The following KDM4B variants were observed in gnomAD, a reference collection of about 807,000 sequenced individuals.
KDM4B encodes lysine demethylase 4B.
KDM4B carries 32 observed loss-of-function variants against 125.2 expected under a neutral mutation model. The ratio of observed to expected loss-of-function variants is 0.26; its 90% CI spans 0.19 to 0.34. The LOEUF (loss-of-function observed/expected upper bound fraction) is 0.34. Among genes scored for constraint, KDM4B ranks in the 10% least tolerant of loss-of-function variants. The pLI, the probability that KDM4B is intolerant of heterozygous loss-of-function variation, is 1.00. For synonymous variants in KDM4B, 721 were observed against 677.9 expected (o/e 1.06, Z -0.99); for missense variants, 1,190 against 1,577.7 (o/e 0.75, Z 4.16).
intron 5 of KDM4B, among the ~76,000 whole-genome samples, chr19:5,044,949 A>G (rs751799218): frequency 2.0e-5 from 3 of 152,174 alleles, no homozygotes; most frequent in Non-Finnish European, 4.4e-5. Context: ...TCAGCGCTGA[A>G]TAATACTCCA....
At position 5,077,476 on chromosome 19, in the gene KDM4B, TACGGGTGGGGCCTGC is replaced by T. The variant is rs761990958; in HGVS notation, c.780+10_780+24del. 1.2e-6 allele frequency: 2 copies of T among 1,612,192 alleles called. No individual in the cohort carries two copies. Among genetic ancestry groups the T allele is most frequent in the Non-Finnish European group, 1.7e-6 (2 of 1,179,058 alleles). On this transcript the variant is annotated splice_region_variant and intron_variant, in intron 8 of 22. Transcript: ENST00000159111. ...ACGGGATCCCCTTCAGCCGGGTGCG[TACGGGTGGGGCCTGC>T]ACGCCTGTGGGTGAAGTGGGTACCG...
chr19:5,035,851 G>A lies in KDM4B; in HGVS notation c.141+2820G>A, dbSNP rs2145635698. 7.0e-6 allele frequency among the ~76,000 whole-genome samples: 1 copy of A among 142,790 alleles called. No homozygotes were observed. Among genetic ancestry groups the A allele is most frequent in the East Asian group, 2.0e-4 (1 of 4,960 alleles). 93.7% of individuals were successfully genotyped at this position (142,790 alleles called of 152,430 possible). A position where few individuals can be genotyped will look rare whatever the true frequency, so the allele number is the denominator to read the frequency against. ...GTCCCATGCTGTGGAGGGGCTGTGT[G>A]TGCACGTGTCTCTGTGTGTGTGTGT... On this transcript the variant is annotated intron_variant, in intron 3 of 22. Coordinates refer to ENST00000159111, the MANE Select transcript of KDM4B (RefSeq NM_015015.3). This position sits in a 1 kb window ranked among gnomAD's most constrained non-coding sequence, Gnocchi z 5.3.
rs370203026 is a variant in KDM4B at position 5,110,640 on chromosome 19, A to G, written c.937A>G (p.Met313Val). The change falls in exon 10 of 23, where the codon ATG (methionine) becomes GTG (valine). Residue 313 changes from methionine to valine, a missense_variant. By Grantham distance (21) the Met-to-Val change is conservative. This residue lies in a region of KDM4B where 75 missense variants were observed against 218.2 expected (regional missense o/e 0.34). Transcript: ENST00000159111. ...GCCGCAGTGCACGTGCCGGAAGGAC[A>G]TGGTCAAGATCTCCATGGACGTGTT... ...VATQCTCRKDMVKISMDVFVR... is the reference protein window; with the variant it reads ...VATQCTCRKDVVKISMDVFVR... 1.2e-6 allele frequency: 2 copies of G among 1,612,958 alleles called. No homozygotes were observed. The highest frequency in any genetic ancestry group is 1.7e-6 in the Non-Finnish European group (2 of 1,179,852).
At position 5,037,567 on chromosome 19, in the gene KDM4B, G is replaced by A. The variant is rs149975335; in HGVS notation, c.142-2269G>A. On this transcript the variant is annotated intron_variant, in intron 3 of 22. Coordinates refer to ENST00000159111, the MANE Select transcript of KDM4B (RefSeq NM_015015.3). ...ACATGGAGAGTCTCCAGAAAGAGCC[G>A]GCGCTAAGCTGGACTGTCCTTTCCT... 5.2e-4 allele frequency among the ~76,000 whole-genome samples: 79 copies of A among 152,298 alleles called. 3 individuals carry two copies. Among genetic ancestry groups the A allele is most frequent in the African/African-American group, 1.8e-3 (73 of 41,552 alleles).
At position 5,108,842 on chromosome 19, in the gene KDM4B, G is replaced by A. The variant is rs551210372; in HGVS notation, c.919-1780G>A. ...TCGGGGCAGCCTGTGTCTGGCACGC[G>A]GTCCCTGGGCCCGCCTCTCCCCAGC... On this transcript the variant is annotated intron_variant, in intron 9 of 22. Coordinates refer to ENST00000159111, the MANE Select transcript of KDM4B (RefSeq NM_015015.3). Among the ~76,000 whole-genome samples the A allele has an allele frequency of 1.4e-3, 212 of 152,202 alleles. 1 individual carries two copies. The highest frequency in any genetic ancestry group is 4.9e-3 in the African/African-American group (202 of 41,540).
At chr19:5,123,132 C>T (rs927812645) in intron 11 of KDM4B, among the ~76,000 whole-genome samples, 1 of 152,272 alleles carries the variant, frequency 6.6e-6, no homozygotes, top group African/African-American at 2.4e-5. Context: ...CTCGTCTGCC[C>T]TGGAGGCATG....
chr19:5,139,252 C>T (rs2039700509), intron 18 of KDM4B, among the ~76,000 whole-genome samples: 1 of 152,182 alleles, frequency 6.6e-6, no homozygotes, highest in African/African-American at 2.4e-5. Flanking sequence ...CATCCACATT[C>T]ATTCAACCCA....
chr19:5,093,645 T>G (rs2038757684), intron 9 of KDM4B, among the ~76,000 whole-genome samples: 1 of 152,162 alleles, frequency 6.6e-6, no homozygotes, highest in Admixed American at 6.5e-5. Flanking sequence ...CCTCGGTGTT[T>G]AACGCTTTGT....
intron 1 of KDM4B, among the ~76,000 whole-genome samples, chr19:5,001,369 A>G (rs1270376518): frequency 2.0e-5 from 3 of 152,130 alleles, no homozygotes; most frequent in Middle Eastern, 3.4e-3. Flanking sequence ...TGCTCTGTTC[A>G]TTTAGCTGTG....
At chr19:5,126,101 G>T (rs2039444713) in intron 11 of KDM4B, among the ~76,000 whole-genome samples, 1 of 152,204 alleles carries the variant, frequency 6.6e-6, no homozygotes, top group Non-Finnish European at 1.5e-5. Flanking sequence ...GGGGTGTGGG[G>T]TTTTGTGTTT....
intron 18 of KDM4B, among the ~76,000 whole-genome samples, chr19:5,138,740 C>T (rs545488636): frequency 6.6e-4 from 101 of 152,340 alleles, no homozygotes; most frequent in African/African-American, 2.3e-3. Flanking sequence ...GCATTCACCA[C>T]GGGCCCAGTG....
intron 2 of KDM4B, among the ~76,000 whole-genome samples, chr19:5,021,717 C>A (rs1200930469): frequency 6.9e-6 from 1 of 144,918 alleles, no homozygotes; most frequent in African/African-American, 2.6e-5. Context: ...CTCACTGGAA[C>A]CTCTGCCCCA....
chr19:5,109,147 AC>A (rs1444193356), intron 9 of KDM4B, among the ~76,000 whole-genome samples: 1 of 152,142 alleles, frequency 6.6e-6, no homozygotes, highest in Non-Finnish European at 1.5e-5. Context: ...GAAGCTGAAA[AC>A]ACTCAGCGTT....
intron 1 of KDM4B, among the ~76,000 whole-genome samples, chr19:4,991,249 A>G (rs2035022609): frequency 6.6e-6 from 1 of 151,654 alleles, no homozygotes; most frequent in South Asian, 2.1e-4. Flanking sequence ...AACCCATGGC[A>G]ACCCCCCCTG....
At chr19:5,151,266 A>G in intron 22 of KDM4B, 69 bp from the exon 23 acceptor site, 2 of 1,310,978 alleles carry the variant, frequency 1.5e-6, no homozygotes, top group East Asian at 3.0e-5. Context: ...CTCAGAGGCC[A>G]TAGACAGTGG....
chr19:5,111,958 A>G (rs2039156726), intron 10 of KDM4B: 1 of 650,278 alleles, frequency 1.5e-6, no homozygotes, highest in African/African-American at 1.8e-5. Flanking sequence ...GAGCCACTTA[A>G]AAATGTGAAC....
intron 1 of KDM4B, among the ~76,000 whole-genome samples, chr19:4,978,322 C>G (rs1429379813): frequency 1.3e-5 from 2 of 151,728 alleles, no homozygotes; most frequent in Non-Finnish European, 2.9e-5. Flanking sequence ...GCCTGGCCAA[C>G]GTGGTGAAAC....
intron 6 of KDM4B, among the ~76,000 whole-genome samples, chr19:5,061,663 G>A (rs1200478570): frequency 6.6e-6 from 1 of 151,998 alleles, no homozygotes; most frequent in African/African-American, 2.4e-5. Flanking sequence ...ACTGGAGCTC[G>A]AGAACAGCCT....
intron 6 of KDM4B, among the ~76,000 whole-genome samples, chr19:5,064,729 C>A (rs958648838): frequency 1.3e-5 from 2 of 152,176 alleles, no homozygotes; most frequent in African/African-American, 2.4e-5. Flanking sequence ...TTGAGAGCCT[C>A]CAAGGAGCCC....
Sources: gnomAD v4.1 joint callset for allele counts (sites outside exome capture counted in the v4.1 genomes callset) on GRCh38, gnomAD v4.1.1 for gene constraint, gnomAD v4.1.1 regional missense constraint, Gnocchi (gnomAD v3.1) non-coding constraint, MANE v1.5 for transcripts, NCBI Gene and HGNC (gene_info 2026-07-23, HGNC 2026-07-21) for gene names.